The following SELENOF variants were observed in gnomAD, a reference collection of about 807,000 sequenced individuals.
SELENOF encodes the protein 15 kDa selenoprotein.
A neutral mutation model predicts 20.5 loss-of-function variants in SELENOF; 16 were observed. The ratio of observed to expected loss-of-function variants is 0.78; its 90% CI spans 0.53 to 1.19. SELENOF has a LOEUF of 1.19. SELENOF is among the 50% of genes most tolerant of loss of function. The probability of loss-of-function intolerance (pLI) is 0.00; values close to 1 mark genes in which losing one functional copy is unlikely to be tolerated. For missense variants in SELENOF, 215 were observed against 194.2 expected, an observed-to-expected ratio of 1.11 and a Z score of -0.64; for synonymous variants, 78 against 74.5, an observed-to-expected ratio of 1.05 and a Z score of -0.24.
At chr1:86,878,670 ACT>A (rs1274618153) in intron 3 of SELENOF, among the ~76,000 whole-genome samples, 1 of 152,048 alleles carries the variant, frequency 6.6e-6, no homozygotes, top group African/African-American at 2.4e-5. Flanking sequence ...CGACAGTGAG[ACT>A]CTGTCTCAAA....
At chr1:86,898,177 G>A (rs1159143587) in intron 2 of SELENOF, among the ~76,000 whole-genome samples, 1 of 152,024 alleles carries the variant, frequency 6.6e-6, no homozygotes, top group Non-Finnish European at 1.5e-5. Flanking sequence ...AATTATACCC[G>A]GGTTGTGAGC....
intron 2 of SELENOF, among the ~76,000 whole-genome samples, chr1:86,883,145 T>G (rs1006440239): frequency 5.3e-5 from 8 of 150,704 alleles, no homozygotes; most frequent in Non-Finnish European, 7.4e-5. Context: ...AAAAAAAAAT[T>G]CGGACACATA....
intron 4 of SELENOF, among the ~76,000 whole-genome samples, chr1:86,864,417 T>A (rs570214894): frequency 6.6e-6 from 1 of 152,232 alleles, no homozygotes; most frequent in Non-Finnish European, 1.5e-5. Context: ...AATGTAGTTA[T>A]GTAGTTCGGC....
intron 3 of SELENOF, among the ~76,000 whole-genome samples, chr1:86,879,174 A>G (rs1658998924): frequency 6.6e-6 from 1 of 152,220 alleles, no homozygotes; most frequent in Admixed American, 6.5e-5. Context: ...AGTATAAATA[A>G]TCAATGCAGC....
intron 2 of SELENOF, among the ~76,000 whole-genome samples, chr1:86,893,926 C>T (rs1659454104): frequency 6.6e-6 from 1 of 152,160 alleles, no homozygotes; most frequent in African/African-American, 2.4e-5. Context: ...CTTAGGTCCA[C>T]TTATTCAATT....
intron 4 of SELENOF, among the ~76,000 whole-genome samples, chr1:86,866,240 G>C (rs1028924947): frequency 1.4e-4 from 21 of 145,276 alleles, no homozygotes; most frequent in Non-Finnish European, 2.5e-4. Context: ...CTGTGTGTGT[G>C]TGTGTGTGTG....
chr1:86,909,900 G>C (rs1421130903), intron 1 of SELENOF, among the ~76,000 whole-genome samples: 1 of 152,196 alleles, frequency 6.6e-6, no homozygotes, highest in Admixed American at 6.5e-5. Flanking sequence ...AGCTACTCGG[G>C]AGGCTGATGC....
At chr1:86,882,840 T>C (rs1197853996) in intron 2 of SELENOF, among the ~76,000 whole-genome samples, 2 of 152,178 alleles carry the variant, frequency 1.3e-5, no homozygotes, top group Non-Finnish European at 2.9e-5. Flanking sequence ...AGGAAGCAGA[T>C]TCTGACTGGG....
intron 1 of SELENOF, among the ~76,000 whole-genome samples, chr1:86,906,625 A>G (rs940428619): frequency 6.6e-6 from 1 of 152,206 alleles, no homozygotes; most frequent in Non-Finnish European, 1.5e-5. Flanking sequence ...AGAAGTCTAT[A>G]CAAGAGAGAC....
chr1:86,898,231 A>C (rs886091110), intron 2 of SELENOF, among the ~76,000 whole-genome samples: 1 of 152,226 alleles, frequency 6.6e-6, no homozygotes, highest in African/African-American at 2.4e-5. Context: ...CAAAAATCTC[A>C]TTCTAGCTTG....
chr1:86,873,810 C>A (rs1203529102), intron 3 of SELENOF, among the ~76,000 whole-genome samples: 3 of 149,914 alleles, frequency 2.0e-5, no homozygotes, highest in Non-Finnish European at 4.4e-5. Context: ...CAAGATTGCG[C>A]TGTCGCACTC....
intron 2 of SELENOF, among the ~76,000 whole-genome samples, chr1:86,897,890 TTAAC>T (rs1659567605): frequency 6.6e-6 from 1 of 152,210 alleles, no homozygotes. Context: ...AGTCAAAAGA[TTAAC>T]TACTTTCCTT....
chr1:86,879,972 G>A (rs1315435843), intron 3 of SELENOF, among the ~76,000 whole-genome samples: 1 of 152,066 alleles, frequency 6.6e-6, no homozygotes, highest in Non-Finnish European at 1.5e-5. Context: ...TAATGCAATT[G>A]TTCCACATAA....
chr1:86,903,278 T>C lies in SELENOF; in HGVS notation c.252+3A>G. 14 of 1,606,734 alleles carry C rather than the reference T, an allele frequency of 8.7e-6. No individual in the cohort carries two copies. Among genetic ancestry groups the C allele is most frequent in the African/African-American group, 1.3e-5 (1 of 74,880 alleles). On this transcript the variant is annotated splice_donor_region_variant and intron_variant, in intron 2 of 4. Transcript: ENST00000331835. ...ATGGAAGGAATATACTAGAAAACAG[T>C]ACCTTTTTGGTTTCAAATTGTGCTT...
chr1:86,894,171 T>G (rs1167451160), intron 2 of SELENOF, among the ~76,000 whole-genome samples: 1 of 95,030 alleles, frequency 1.1e-5, no homozygotes, highest in African/African-American at 5.0e-5. Flanking sequence ...AACCTGGAGG[T>G]TTTTTTTTTT....
In SELENOF at chr1:86,914,126, T is replaced by C. The variant is rs1021241654; in HGVS notation, c.-15A>G. On this transcript the variant is annotated 5_prime_UTR_variant, in exon 1 of 5. Coordinates refer to ENST00000331835, the MANE Select transcript of SELENOF (RefSeq NM_004261.5). ...ATCGCTACCATTTTCCGCAGGTTTCTGGCTGCCTAGAAGGACCCCTAAGCT... is the reference window on the plus strand; with the variant it reads ...ATCGCTACCATTTTCCGCAGGTTTCCGGCTGCCTAGAAGGACCCCTAAGCT... 3.1e-6 allele frequency: 5 copies of C among 1,611,718 alleles called. No individual in the cohort carries two copies. The highest frequency in any genetic ancestry group is 1.6e-4 in the Middle Eastern group (1 of 6,062).
intron 1 of SELENOF, among the ~76,000 whole-genome samples, chr1:86,912,982 G>A (rs1456822550): frequency 1.3e-5 from 2 of 152,166 alleles, no homozygotes; most frequent in Non-Finnish European, 2.9e-5. Context: ...ACAGTAGAAA[G>A]TTTAGGGAGA....
At chr1:86,905,682 G>C (rs925750135) in intron 1 of SELENOF, among the ~76,000 whole-genome samples, 1 of 152,064 alleles carries the variant, frequency 6.6e-6, no homozygotes, top group African/African-American at 2.4e-5. Flanking sequence ...TAAATAAATC[G>C]CACAAAGCCA....
At chr1:86,872,512 G>A (rs1658801797) in intron 3 of SELENOF, among the ~76,000 whole-genome samples, 1 of 151,488 alleles carries the variant, frequency 6.6e-6, no homozygotes. Context: ...GGGATTACAG[G>A]CATGCGCCAC....
Sources: gnomAD v4.1 joint callset for allele counts (sites outside exome capture counted in the v4.1 genomes callset) on GRCh38, gnomAD v4.1.1 for gene constraint, MANE v1.5 for transcripts, NCBI Gene and HGNC (gene_info 2026-07-23, HGNC 2026-07-21) for gene names.